Variants in FRY observed in about 807,000 individuals in gnomAD.
FRY encodes the protein protein furry homolog.
In FRY, 128 loss-of-function variants were observed where a neutral mutation model predicts 348.4. The observed-to-expected ratio is 0.37, with a 90% CI of 0.32 to 0.43. The LOEUF (loss-of-function observed/expected upper bound fraction) is 0.43, where lower values mean the gene tolerates loss of function less well. Ranked by LOEUF, FRY falls within the 20% of genes least tolerant of loss-of-function variation. FRY has a pLI of 1.00. For synonymous variants in FRY, 1,370 were observed against 1,374.7 expected, an observed-to-expected ratio of 1.00 and a Z score of 0.08; for missense variants, 2,736 against 3,695.2, an observed-to-expected ratio of 0.74 and a Z score of 6.73.
intron 1 of FRY, among the ~76,000 whole-genome samples, chr13:32,033,516 A>G (rs898088585): frequency 6.6e-6 from 1 of 152,208 alleles, no homozygotes; most frequent in South Asian, 2.1e-4. Context: ...ATCACTCTAG[A>G]TAAAGTATAT....
Position 32,244,247 on chromosome 13 carries a change from G to A in FRY, c.6828+65G>A, listed in dbSNP as rs1164589671. On this transcript the variant is annotated intron_variant, in intron 47 of 60. Transcript: ENST00000542859. ...TAAAAAGATGGAGGCTTTTCCTGTA[G>A]CTTGGCTACAAAACCATCTGGGTGC... The A allele has an allele frequency of 4.8e-6, 7 of 1,473,096 alleles. No homozygotes were observed. The East Asian group carries it at 9.2e-5, about 19-fold the overall frequency. The allele number at this position is 1,473,096 out of a possible 1,614,324, so 91.3% of individuals were successfully genotyped here. A position where few individuals can be genotyped will look rare whatever the true frequency, so the allele number is the denominator to read the frequency against.
chr13:32,053,004 T>C (rs1439986996), intron 1 of FRY, among the ~76,000 whole-genome samples: 2 of 151,784 alleles, frequency 1.3e-5, no homozygotes, highest in African/African-American at 4.8e-5. Flanking sequence ...TCCTATCTAC[T>C]CGGGAGGCTG....
chr13:32,280,740 T>C (rs940397582), intron 58 of FRY, among the ~76,000 whole-genome samples: 1 of 152,262 alleles, frequency 6.6e-6, no homozygotes, highest in Non-Finnish European at 1.5e-5. Flanking sequence ...CATTAATACA[T>C]TGCAGACTTT....
At chr13:32,205,907 G>A (rs576054654) in intron 31 of FRY, among the ~76,000 whole-genome samples, 1 of 151,914 alleles carries the variant, frequency 6.6e-6, no homozygotes, top group South Asian at 2.1e-4. Context: ...CAATGAGACT[G>A]GAGGGGAGAA....
At chr13:32,184,551 A>G in intron 24 of FRY, 49 bp from the exon 25 acceptor site, 2 of 1,105,032 alleles carry the variant, frequency 1.8e-6, no homozygotes, top group Non-Finnish European at 2.8e-6. Flanking sequence ...AAACAAAGTT[A>G]ATATTGTTTT....
intron 31 of FRY, among the ~76,000 whole-genome samples, chr13:32,203,782 G>T (rs1172744189): frequency 2.0e-5 from 3 of 152,032 alleles, no homozygotes; most frequent in Non-Finnish European, 4.4e-5. Flanking sequence ...ACTTTGCCAA[G>T]AGACAGACTT....
chr13:32,180,952 G>A (rs187447752), intron 23 of FRY, among the ~76,000 whole-genome samples: 227 of 152,098 alleles, frequency 1.5e-3, no homozygotes, highest in Non-Finnish European at 2.6e-3. Context: ...GTTCAGTGGC[G>A]TGATCTTGGC....
chr13:32,212,052 G>C (rs117482996), intron 34 of FRY, among the ~76,000 whole-genome samples: 2,518 of 152,312 alleles, frequency 0.017, 29 homozygotes, highest in Non-Finnish European at 0.025. Context: ...CAAGAATGTA[G>C]GCTTGCTTTA....
intron 1 of FRY, among the ~76,000 whole-genome samples, chr13:32,054,636 G>C (rs947715206): frequency 2.2e-4 from 33 of 152,112 alleles, no homozygotes; most frequent in African/African-American, 8.0e-4. Context: ...CACTTTGGGA[G>C]GCCGAGGCAG....
intron 11 of FRY, among the ~76,000 whole-genome samples, chr13:32,145,630 C>T (rs1024108348): frequency 9.3e-5 from 14 of 150,016 alleles, no homozygotes; most frequent in Non-Finnish European, 4.4e-5. Flanking sequence ...CTGCAAGCTC[C>T]GCTTCCCGGG....
At chr13:32,144,951 A>G (rs1164796489) in intron 11 of FRY, among the ~76,000 whole-genome samples, 1 of 150,952 alleles carries the variant, frequency 6.6e-6, no homozygotes, top group Non-Finnish European at 1.5e-5. Context: ...AATTGAAGGC[A>G]TCAGGGAGGA....
chr13:32,268,536 A>ATATATATATATATATATATC (rs1888059879), intron 55 of FRY, among the ~76,000 whole-genome samples: 1 of 134,606 alleles, frequency 7.4e-6, no homozygotes, highest in Non-Finnish European at 1.6e-5. Context: ...ATATATATAT[A>ATATATATATATATATATATC]TATCTAGATT....
intron 1 of FRY, among the ~76,000 whole-genome samples, chr13:32,066,843 A>G (rs559143479): frequency 6.6e-6 from 1 of 152,344 alleles, no homozygotes. Flanking sequence ...GCTAATAAGT[A>G]TTTTAAAACC....
At chr13:32,131,372 G>T (rs535929107) in intron 7 of FRY, among the ~76,000 whole-genome samples, 16 of 152,296 alleles carry the variant, frequency 1.1e-4, no homozygotes, top group Admixed American at 2.6e-4. Context: ...AGGAAATGGG[G>T]TTTTTTGTGA....
At chr13:32,272,212 T>C (rs1289300913) in intron 55 of FRY, among the ~76,000 whole-genome samples, 2 of 152,192 alleles carry the variant, frequency 1.3e-5, no homozygotes, top group African/African-American at 4.8e-5. Context: ...TTCCTCACAA[T>C]GTGTGTTTAC....
In FRY at chr13:32,298,901, A is replaced by T. The variant is rs1346625223; in HGVS notation, c.*3441A>T. ...AGGACTTTGTCCCTTGCTGAGCAAG[A>T]TGGGAAGCCACTGAATGTTTGCGGG... is the stretch of plus-strand genomic sequence containing the variant. On this transcript the variant is annotated 3_prime_UTR_variant, in exon 61 of 61. Coordinates refer to ENST00000542859, the MANE Select transcript of FRY (RefSeq NM_023037.3). 1 of 152,196 alleles carries T rather than the reference A, an allele frequency of 6.6e-6. No individual in the cohort carries two copies. The allele number at this position is 152,196 out of a possible 1,614,324, so 9.4% of individuals were successfully genotyped here.
Position 32,171,139 on chromosome 13 carries a change from G to A in FRY, c.2020G>A (p.Val674Ile). 4 of 1,613,906 alleles carry A rather than the reference G, an allele frequency of 2.5e-6. No individual in the cohort carries two copies. Among genetic ancestry groups the A allele is most frequent in the Non-Finnish European group, 3.4e-6 (4 of 1,179,900 alleles). Reference sequence around the variant, plus strand: ...CTTTACCAACTTCCTGCTCCGGGAAGTAAATGATATGCATCACACACTCCT... The same window carrying A: ...CTTTACCAACTTCCTGCTCCGGGAAATAAATGATATGCATCACACACTCCT... The part of the protein sequence containing the change: ...FGFTNFLLRE[V>I]NDMHHTLLDS... The change falls in exon 18 of 61, where the codon GTA (valine) becomes ATA (isoleucine). Residue 674 changes from valine (V) to isoleucine (I), a missense_variant. This residue lies in a region of FRY where 449 missense variants were observed against 576.9 expected (regional missense o/e 0.78). Coordinates refer to ENST00000542859, the MANE Select transcript of FRY (RefSeq NM_023037.3).
At chr13:32,136,693 G>A (rs1307467506) in intron 10 of FRY, among the ~76,000 whole-genome samples, 178 bp from the exon 11 acceptor site, 3 of 152,238 alleles carry the variant, frequency 2.0e-5, no homozygotes, top group East Asian at 1.9e-4. Context: ...ATCAGAAAGC[G>A]TTTGTGAAAT....
intron 2 of FRY, among the ~76,000 whole-genome samples, chr13:32,083,198 C>T (rs529780578): frequency 1.3e-5 from 2 of 152,132 alleles, no homozygotes; most frequent in African/African-American, 4.8e-5. Context: ...CATTAATGTT[C>T]TCTTAGGCTA....
Sources: allele counts gnomAD v4.1 joint callset (sites outside exome capture counted in the v4.1 genomes callset), GRCh38; gene constraint gnomAD v4.1.1; regional missense constraint gnomAD v4.1.1; transcripts MANE v1.5; gene names NCBI Gene and HGNC (gene_info 2026-07-23, HGNC 2026-07-21).